Variants in ERBB4 observed in about 807,000 individuals in gnomAD.
ERBB4 encodes the protein erb-b2 receptor tyrosine kinase 4, also known as receptor tyrosine-protein kinase erbB-4.
In ERBB4, 42 loss-of-function variants were observed where a neutral mutation model predicts 158.0. That is an observed-to-expected ratio of 0.27 (90% CI 0.21 to 0.34). The LOEUF (loss-of-function observed/expected upper bound fraction) is 0.34, where lower values mean the gene tolerates loss of function less well. Among genes scored for constraint, ERBB4 ranks in the 10% least tolerant of loss-of-function variants. The pLI is 1.00. For synonymous variants in ERBB4, 583 were observed against 558.7 expected (o/e 1.04, Z -0.61); for missense variants, 1,333 against 1,624.1 (o/e 0.82, Z 3.08).
chr2:211,721,165 G>A (rs925457814), intron 7 of ERBB4, among the ~76,000 whole-genome samples: 1 of 152,148 alleles, frequency 6.6e-6, no homozygotes, highest in Non-Finnish European at 1.5e-5. Flanking sequence ...TGTGCATTTT[G>A]ACTGTGACCT....
chr2:211,753,071 A>G (rs2075180366), intron 4 of ERBB4, among the ~76,000 whole-genome samples: 2 of 152,232 alleles, frequency 1.3e-5, no homozygotes, highest in Admixed American at 6.5e-5. Context: ...ACTCTTCAAA[A>G]TGGTGCAAGA....
chr2:212,040,277 AAC>A (rs1355846882), intron 2 of ERBB4, among the ~76,000 whole-genome samples: 3 of 152,080 alleles, frequency 2.0e-5, no homozygotes, highest in South Asian at 4.1e-4. Flanking sequence ...GATGGAAAGT[AAC>A]ACACACTATT....
intron 3 of ERBB4, among the ~76,000 whole-genome samples, chr2:211,936,122 C>T (rs537217915): frequency 6.6e-6 from 1 of 151,802 alleles, no homozygotes; most frequent in East Asian, 1.9e-4. Context: ...CAGTATCATC[C>T]TATTCAACAT....
At chr2:212,405,832 T>A (rs2091329947) in intron 1 of ERBB4, among the ~76,000 whole-genome samples, 1 of 152,114 alleles carries the variant, frequency 6.6e-6, no homozygotes. Context: ...TACACAAGGC[T>A]TTGTACTTCA....
intron 20 of ERBB4, among the ~76,000 whole-genome samples, chr2:211,551,500 CA>C (rs2067096269): frequency 6.6e-6 from 1 of 151,842 alleles, no homozygotes; most frequent in Non-Finnish European, 1.5e-5. Context: ...TTTCTGTGTC[CA>C]AATATACCCA....
At chr2:212,331,783 T>C (rs545523267) in intron 1 of ERBB4, among the ~76,000 whole-genome samples, 11 of 152,084 alleles carry the variant, frequency 7.2e-5, no homozygotes, top group Non-Finnish European at 1.6e-4. Flanking sequence ...AGATTCATGT[T>C]ACATAGTTTT....
chr2:211,472,023 T>A (rs975138152), intron 20 of ERBB4, among the ~76,000 whole-genome samples: 1 of 152,100 alleles, frequency 6.6e-6, no homozygotes, highest in South Asian at 2.1e-4. Context: ...GGCTTCATGC[T>A]GTGGAGAGCC....
intron 2 of ERBB4, among the ~76,000 whole-genome samples, chr2:212,066,534 A>T (rs891125772): frequency 4.6e-5 from 7 of 151,986 alleles, no homozygotes; most frequent in Non-Finnish European, 7.4e-5. Flanking sequence ...ATTTATATGA[A>T]TATGTTATTA....
At chr2:212,442,917 C>T (rs2092283385) in intron 1 of ERBB4, among the ~76,000 whole-genome samples, 1 of 152,220 alleles carries the variant, frequency 6.6e-6, no homozygotes, top group African/African-American at 2.4e-5. Flanking sequence ...GTTCAGCTCT[C>T]CCATTTGACC....
At chr2:212,036,455 T>A (rs2077014816) in intron 2 of ERBB4, among the ~76,000 whole-genome samples, 1 of 151,450 alleles carries the variant, frequency 6.6e-6, no homozygotes, top group African/African-American at 2.4e-5. Context: ...GTTCAAATCA[T>A]GGATAAATAC....
chr2:211,855,804 T>C (rs1199468973), intron 3 of ERBB4, among the ~76,000 whole-genome samples: 1 of 152,058 alleles, frequency 6.6e-6, no homozygotes, highest in Non-Finnish European at 1.5e-5. Context: ...TTTAAGTTTA[T>C]TTTCCTAGCC....
At chr2:212,385,010 G>C (rs1229993663) in intron 1 of ERBB4, among the ~76,000 whole-genome samples, 3 of 150,390 alleles carry the variant, frequency 2.0e-5, no homozygotes, top group Non-Finnish European at 4.4e-5. Context: ...TTTTAAAAGA[G>C]AGATAAAAAA....
chr2:211,810,662 CTT>C (rs59305629), intron 3 of ERBB4, among the ~76,000 whole-genome samples: 1 of 101,512 alleles, frequency 9.9e-6, no homozygotes, highest in Non-Finnish European at 1.8e-5. Flanking sequence ...CAGTCTCTGT[CTT>C]TTTTTTTTTT....
intron 16 of ERBB4, among the ~76,000 whole-genome samples, chr2:211,643,720 G>A (rs2070686751): frequency 6.6e-6 from 1 of 151,956 alleles, no homozygotes; most frequent in South Asian, 2.1e-4. Flanking sequence ...GGCTTTACGT[G>A]TATCAGACTT....
chr2:211,454,909 G>A (rs1030567842), intron 20 of ERBB4, among the ~76,000 whole-genome samples: 1 of 152,222 alleles, frequency 6.6e-6, no homozygotes, highest in Non-Finnish European at 1.5e-5. Flanking sequence ...TAAGGAGCCG[G>A]CTGGCTGGCC....
chr2:212,060,287 G>A (rs577716209), intron 2 of ERBB4, among the ~76,000 whole-genome samples: 37 of 151,976 alleles, frequency 2.4e-4, no homozygotes, highest in African/African-American at 4.8e-4. Flanking sequence ...TTAGAATGGC[G>A]ATCATTAAAA....
At chr2:212,141,349 C>T (rs1266801024) in intron 1 of ERBB4, among the ~76,000 whole-genome samples, 1 of 151,910 alleles carries the variant, frequency 6.6e-6, no homozygotes, top group Non-Finnish European at 1.5e-5. Flanking sequence ...AAACTTGGCT[C>T]CCTGGTTCCC....
At chr2:211,631,654 A>C (rs965339839) in intron 16 of ERBB4, among the ~76,000 whole-genome samples, 1 of 152,156 alleles carries the variant, frequency 6.6e-6, no homozygotes, top group African/African-American at 2.4e-5. Flanking sequence ...AACTTGTTCT[A>C]GAGTAGAGCA....
chr2:211,888,475 TTTTA>T (rs1281036108), intron 3 of ERBB4, among the ~76,000 whole-genome samples: 1 of 152,234 alleles, frequency 6.6e-6, no homozygotes, highest in East Asian at 1.9e-4. Flanking sequence ...ATATAATCAA[TTTTA>T]TTTTTGTTTT....
Sources: allele counts gnomAD v4.1 joint callset (sites outside exome capture counted in the v4.1 genomes callset), GRCh38; gene constraint gnomAD v4.1.1; transcripts MANE v1.5; gene names NCBI Gene and HGNC (gene_info 2026-07-23, HGNC 2026-07-21).